Variants in NAV2 observed in about 807,000 individuals in gnomAD.
The protein encoded by NAV2 is neuron navigator 2.
In NAV2, 54 loss-of-function variants were observed where a neutral mutation model predicts 223.2. The ratio of observed to expected loss-of-function variants is 0.24; its 90% CI spans 0.19 to 0.30. The LOEUF is 0.30. NAV2 is among the 10% of genes least tolerant of loss of function. The pLI, the probability that NAV2 is intolerant of heterozygous loss-of-function variation, is 1.00. For missense variants in NAV2, 2,806 were observed against 3,147.5 expected (o/e 0.89, Z 2.60); for synonymous variants, 1,279 against 1,239.3 (o/e 1.03, Z -0.67).
intron 26 of NAV2, among the ~76,000 whole-genome samples, chr11:20,087,878 G>A (rs1333823606): frequency 6.6e-6 from 1 of 152,080 alleles, no homozygotes; most frequent in Non-Finnish European, 1.5e-5. Context: ...TTCATGGAGT[G>A]AGTAATGTAC....
At chr11:19,507,755 G>A (rs113627424) in intron 1 of NAV2, among the ~76,000 whole-genome samples, 89 of 152,158 alleles carry the variant, frequency 5.8e-4, no homozygotes, top group African/African-American at 1.9e-3. Context: ...TTTATTGAAG[G>A]CTTCCACCTA....
intron 1 of NAV2, among the ~76,000 whole-genome samples, chr11:19,780,636 C>G (rs2056655364): frequency 6.6e-6 from 1 of 152,190 alleles, no homozygotes; most frequent in Admixed American, 6.5e-5. Context: ...CTTTGGTTTT[C>G]TCATTGTAAA....
In NAV2 at chr11:19,842,867, T is replaced by A; in HGVS notation, c.386-4T>A. 3 of 1,613,968 alleles carry A rather than the reference T, an allele frequency of 1.9e-6. No homozygotes were observed. Among genetic ancestry groups the A allele is most frequent in the Non-Finnish European group, 1.7e-6 (2 of 1,179,860 alleles). On this transcript the variant is annotated splice_polypyrimidine_tract_variant and splice_region_variant and intron_variant, in intron 2 of 37. Transcript: ENST00000349880. ...ATTTTTCTGACTTGTGTTTCCTTTT[T>A]CAGCAAATGAAAAGATTGAAGACAT...
intron 1 of NAV2, among the ~76,000 whole-genome samples, chr11:19,672,593 A>G (rs374998744): frequency 5.3e-5 from 8 of 152,078 alleles, no homozygotes; most frequent in African/African-American, 1.7e-4. Context: ...GGCCAATGGG[A>G]CTTCTTTCTC....
intron 1 of NAV2, among the ~76,000 whole-genome samples, chr11:19,727,298 A>G (rs568331079): frequency 3.9e-5 from 6 of 152,162 alleles, no homozygotes; most frequent in African/African-American, 9.7e-5. Flanking sequence ...CCGTCTCACA[A>G]ATGGCTGTGA....
chr11:19,568,670 T>C (rs1245549473), intron 1 of NAV2, among the ~76,000 whole-genome samples: 2 of 152,110 alleles, frequency 1.3e-5, no homozygotes, highest in African/African-American at 2.4e-5. Context: ...GGTTCTTTAG[T>C]CCCCCATTGA....
At chr11:19,744,418 C>T (rs1026186396) in intron 1 of NAV2, among the ~76,000 whole-genome samples, 7 of 152,172 alleles carry the variant, frequency 4.6e-5, no homozygotes, top group Non-Finnish European at 2.9e-5. Flanking sequence ...TCTGACACCA[C>T]TCATGTGGGG....
chr11:19,730,686 G>T lies in NAV2; in HGVS notation c.267+16724G>T, dbSNP rs1020463962. ...GAACCCAGTTCCTCAGGCTACAGCCGCTCTTTTCCTCCTCCCGGCCTGGCA... is the reference window on the plus strand; with the variant it reads ...GAACCCAGTTCCTCAGGCTACAGCCTCTCTTTTCCTCCTCCCGGCCTGGCA... On this transcript the variant is annotated intron_variant, in intron 1 of 37. Transcript: ENST00000349880. Among the ~76,000 whole-genome samples the T allele has an allele frequency of 3.3e-5, 5 of 152,306 alleles. No homozygotes were observed. The East Asian group carries it at 9.7e-4, about 29-fold the overall frequency.
chr11:19,568,879 C>G (rs1239529663), intron 1 of NAV2, among the ~76,000 whole-genome samples: 1 of 152,226 alleles, frequency 6.6e-6, no homozygotes, highest in African/African-American at 2.4e-5. Flanking sequence ...AAGTCATTAA[C>G]TTACATTTCA....
At chr11:20,070,588 T>C (rs1343304881) in intron 22 of NAV2, among the ~76,000 whole-genome samples, 1 of 152,172 alleles carries the variant, frequency 6.6e-6, no homozygotes, top group Non-Finnish European at 1.5e-5. Context: ...TATTTAGTCT[T>C]ACCGCACACT....
At chr11:19,806,561 C>A (rs574869247) in intron 1 of NAV2, among the ~76,000 whole-genome samples, 12 of 152,268 alleles carry the variant, frequency 7.9e-5, no homozygotes, top group Non-Finnish European at 1.5e-4. Context: ...AAACCTTGGT[C>A]GAATGTCAGC....
At chr11:19,771,073 C>T (rs1377212462) in intron 1 of NAV2, among the ~76,000 whole-genome samples, 1 of 152,136 alleles carries the variant, frequency 6.6e-6, no homozygotes, top group African/African-American at 2.4e-5. Flanking sequence ...ATGGGATGAT[C>T]TTTAAATTCC....
Position 19,912,410 on chromosome 11 carries a change from G to A in NAV2, c.931+19816G>A, listed in dbSNP as rs576806831. Among the ~76,000 whole-genome samples the A allele has an allele frequency of 7.9e-5, 12 of 152,192 alleles. No homozygotes were observed. The South Asian group carries it at 8.3e-4, about 11-fold the overall frequency. ...CTTTAATGTCTGTGCTGCTGATTAC[G>A]AAAATGTTAAATAAATGAAACAGAA... On this transcript the variant is annotated intron_variant, in intron 6 of 37. Coordinates refer to ENST00000349880, the MANE Select transcript of NAV2 (RefSeq NM_145117.5).
chr11:19,382,940 G>T (rs970094078), intron 1 of NAV2, among the ~76,000 whole-genome samples: 2 of 152,168 alleles, frequency 1.3e-5, no homozygotes, highest in Admixed American at 6.5e-5. Context: ...ACTGTTAGCT[G>T]CTATTACTCT....
At chr11:19,842,283 G>T (rs772500797) in intron 2 of NAV2, among the ~76,000 whole-genome samples, 6 of 152,122 alleles carry the variant, frequency 3.9e-5, no homozygotes, top group Non-Finnish European at 7.4e-5. Context: ...ACACACATAT[G>T]TGTGTCCCTT....
In NAV2 at chr11:19,815,499, T is replaced by C. The variant is rs554759100; in HGVS notation, c.268-16985T>C. ...TCTGAAGTTGGATGAACACATCTTA[T>C]ATGCCTGCATGGGAATTCCCATCCC... On this transcript the variant is annotated intron_variant, in intron 1 of 37. Transcript: ENST00000349880. 4.6e-5 allele frequency among the ~76,000 whole-genome samples: 7 copies of C among 152,376 alleles called. No individual in the cohort carries two copies. In the East Asian group the frequency reaches 1.2e-3, roughly 25 times the overall value.
At chr11:19,953,134 G>A (rs1434171840) in intron 10 of NAV2, among the ~76,000 whole-genome samples, 1 of 151,906 alleles carries the variant, frequency 6.6e-6, no homozygotes, top group East Asian at 1.9e-4. Flanking sequence ...TGTTTGAAAT[G>A]ATTTTTTTTT....
At chr11:20,051,722 G>A (rs2058022056) in intron 17 of NAV2, among the ~76,000 whole-genome samples, 1 of 152,190 alleles carries the variant, frequency 6.6e-6, no homozygotes, top group Non-Finnish European at 1.5e-5. Context: ...TGATTTGTAA[G>A]CTAGGACAAG....
intron 1 of NAV2, chr11:19,777,390 G>C (rs963499624): frequency 6.6e-5 from 29 of 438,362 alleles, no homozygotes; most frequent in South Asian, 1.3e-4. Flanking sequence ...CCGGGCGCGC[G>C]GGCAGGTGCT....
Sources: gnomAD v4.1 joint callset for allele counts (sites outside exome capture counted in the v4.1 genomes callset) on GRCh38, gnomAD v4.1.1 for gene constraint, MANE v1.5 for transcripts, NCBI Gene and HGNC (gene_info 2026-07-23, HGNC 2026-07-21) for gene names.